Variants in FUBP3 observed in about 807,000 individuals in gnomAD.
FUBP3 encodes the protein far upstream element binding protein 3.
FUBP3 carries 28 observed loss-of-function variants against 85.6 expected under a neutral mutation model. That is an observed-to-expected ratio of 0.33 (90% CI 0.24 to 0.45). FUBP3 has a LOEUF of 0.45. FUBP3 is among the 20% of genes least tolerant of loss of function. FUBP3 has a pLI of 1.00. For synonymous variants in FUBP3, 271 were observed against 271.4 expected (o/e 1.00, Z 0.01); for missense variants, 583 against 755.1 (o/e 0.77, Z 2.67).
intron 11 of FUBP3, among the ~76,000 whole-genome samples, chr9:130,625,312 C>G (rs12001795): frequency 0.23 from 35,503 of 152,238 alleles, 5,001 homozygotes; most frequent in African/African-American, 0.4. Context: ...CTGTGCGCTC[C>G]TGTGCGTGTG....
At chr9:130,621,929 G>A (rs756142019) in intron 9 of FUBP3, among the ~76,000 whole-genome samples, 2 of 151,678 alleles carry the variant, frequency 1.3e-5, no homozygotes, top group African/African-American at 4.8e-5. Flanking sequence ...AAAAAAGAAC[G>A]CAGTTCAACC....
At chr9:130,605,500 G>A (rs1469537916) in intron 2 of FUBP3, among the ~76,000 whole-genome samples, 1 of 152,260 alleles carries the variant, frequency 6.6e-6, no homozygotes, top group Non-Finnish European at 1.5e-5. Flanking sequence ...CCACTCTGAG[G>A]GCTTGGGTGC....
At chr9:130,624,652 T>TGTGTGTG (rs57256345) in intron 11 of FUBP3, among the ~76,000 whole-genome samples, 3 of 146,426 alleles carry the variant, frequency 2.0e-5, no homozygotes, top group Non-Finnish European at 3.0e-5. Flanking sequence ...TGTGTGTGTG[T>TGTGTGTG]TTTTAAGCTC....
At chr9:130,597,260 GTT>G (rs141153573) in intron 2 of FUBP3, among the ~76,000 whole-genome samples, 18,430 of 152,106 alleles carry the variant, frequency 0.12, 1,356 homozygotes, top group East Asian at 0.24. Flanking sequence ...GAGTTGAAGT[GTT>G]TTTAAATAGA....
intron 11 of FUBP3, among the ~76,000 whole-genome samples, chr9:130,625,164 C>A (rs887656927): frequency 1.3e-5 from 2 of 152,220 alleles, no homozygotes; most frequent in African/African-American, 2.4e-5. Flanking sequence ...AGCCAGGATC[C>A]TGCCATTGCA....
At chr9:130,584,344 G>A (rs148332416) in intron 1 of FUBP3, among the ~76,000 whole-genome samples, 2,011 of 150,218 alleles carry the variant, frequency 0.013, 44 homozygotes, top group African/African-American at 0.046. Flanking sequence ...CCTGGTCAAC[G>A]TGGCAAAACC....
At chr9:130,583,159 C>T (rs774255236) in intron 1 of FUBP3, among the ~76,000 whole-genome samples, 4 of 152,076 alleles carry the variant, frequency 2.6e-5, no homozygotes, top group Admixed American at 6.5e-5. Context: ...TTTTTAGGCC[C>T]GAACCTCTTC....
At chr9:130,594,210 A>G (rs879872912) in intron 1 of FUBP3, among the ~76,000 whole-genome samples, 7 of 152,092 alleles carry the variant, frequency 4.6e-5, no homozygotes, top group Admixed American at 1.3e-4. Flanking sequence ...ACTTTGCGAG[A>G]CTGAGGCAGG....
chr9:130,611,289 A>G (rs1477192972), intron 3 of FUBP3, among the ~76,000 whole-genome samples: 2 of 152,218 alleles, frequency 1.3e-5, no homozygotes, highest in Admixed American at 1.3e-4. Context: ...GTCAGGAAGC[A>G]CATCCTGACA....
chr9:130,600,172 A>C (rs1193146058), intron 2 of FUBP3, among the ~76,000 whole-genome samples: 4 of 138,930 alleles, frequency 2.9e-5, no homozygotes, highest in African/African-American at 1.1e-4. Context: ...TGACCAGTGA[A>C]TATTAAGTCA....
At chr9:130,603,240 G>A (rs570995007) in intron 2 of FUBP3, among the ~76,000 whole-genome samples, 39 of 151,778 alleles carry the variant, frequency 2.6e-4, no homozygotes, top group Admixed American at 6.6e-4. Context: ...CCAGCTCTTC[G>A]GGAGGCTGAG....
chr9:130,617,854 G>T lies in FUBP3; in HGVS notation c.625G>T (p.Asp209Tyr). The T allele has an allele frequency of 1.9e-6, 3 of 1,609,708 alleles. No homozygotes were observed. The highest frequency in any genetic ancestry group is 2.6e-6 in the Non-Finnish European group (3 of 1,176,094). Residue 209 changes from aspartate to tyrosine, a missense_variant, in exon 8 of 19, where the codon GAC (aspartate) becomes TAC (tyrosine). Around this residue, in one of 3 missense-constraint regions of FUBP3, gnomAD observed 404 missense variants for 516.8 expected, o/e 0.78. Transcript: ENST00000319725. The stretch of plus-strand genomic sequence containing the variant: ...GGATGGCCCATTGCCCACGGGAGCA[G>T]ACAAGCCTCTTCGTATCACTGGAGA... ...IQDGPLPTGADKPLRITGDAF... is the reference protein window; with the variant it reads ...IQDGPLPTGAYKPLRITGDAF...
intron 2 of FUBP3, among the ~76,000 whole-genome samples, chr9:130,599,387 A>G (rs771565755): frequency 0.019 from 2,734 of 143,270 alleles, 55 homozygotes; most frequent in African/African-American, 0.053. Flanking sequence ...GTGTGTGTAT[A>G]TATATATATA....
chr9:130,584,637 G>C (rs1830267352), intron 1 of FUBP3, among the ~76,000 whole-genome samples: 1 of 151,782 alleles, frequency 6.6e-6, no homozygotes, highest in South Asian at 2.1e-4. Flanking sequence ...GGGAGGCTGA[G>C]GCAGGTGGAT....
intron 1 of FUBP3, among the ~76,000 whole-genome samples, chr9:130,589,728 T>TTA (rs1830532743): frequency 8.1e-6 from 1 of 122,890 alleles, no homozygotes; most frequent in African/African-American, 3.1e-5. Flanking sequence ...TTTTTTTTTT[T>TTA]AAGAGACAGG....
intron 16 of FUBP3, among the ~76,000 whole-genome samples, chr9:130,634,130 A>G (rs1180495410): frequency 2.0e-5 from 3 of 152,148 alleles, no homozygotes; most frequent in African/African-American, 7.2e-5. Context: ...GGGTGAACCC[A>G]GGGTCCTGCA....
At chr9:130,595,659 C>A in intron 2 of FUBP3, 71 bp downstream of exon 2, 41 of 770,810 alleles carry the variant, frequency 5.3e-5, no homozygotes, top group East Asian at 1.0e-4. Context: ...ATTTGTCAGC[C>A]ATTACCTTAA....
chr9:130,634,464 C>T (rs959143756), intron 16 of FUBP3, among the ~76,000 whole-genome samples: 1 of 152,206 alleles, frequency 6.6e-6, no homozygotes, highest in African/African-American at 2.4e-5. Flanking sequence ...GCCTCGTGTG[C>T]CCAGCCCCAC....
intron 8 of FUBP3, among the ~76,000 whole-genome samples, chr9:130,619,585 G>T (rs1829648880): frequency 6.6e-6 from 1 of 152,204 alleles, no homozygotes; most frequent in Non-Finnish European, 1.5e-5. Context: ...TTAAATTGCT[G>T]ACGGGTTTGT....
Sources: allele counts gnomAD v4.1 joint callset (sites outside exome capture counted in the v4.1 genomes callset), GRCh38; gene constraint gnomAD v4.1.1; regional missense constraint gnomAD v4.1.1; transcripts MANE v1.5; gene names NCBI Gene and HGNC (gene_info 2026-07-23, HGNC 2026-07-21).